SYK: variants seen among roughly 807,000 people sequenced by gnomAD.
SYK encodes the protein tyrosine-protein kinase SYK.
In SYK, 16 loss-of-function variants were observed where a neutral mutation model predicts 77.8. The ratio of observed to expected loss-of-function variants is 0.21; its 90% CI spans 0.14 to 0.31. SYK has a LOEUF of 0.31. Ranked by LOEUF, SYK falls within the 10% of genes least tolerant of loss-of-function variation. The pLI is 1.00. For missense variants in SYK, 529 were observed against 814.4 expected (o/e 0.65, Z 4.26); for synonymous variants, 312 against 308.7 (o/e 1.01, Z -0.11).
In SYK at chr9:90,888,530, G is replaced by C; in HGVS notation, c.1738G>C (p.Glu580Gln). Residue 580 changes from glutamate (E) to glutamine (Q), a missense_variant, in exon 13 of 14, where the codon GAA becomes CAA. Coordinates refer to ENST00000375754, the MANE Select transcript of SYK (RefSeq NM_003177.7). ...QKPYRGMKGS[E>Q]VTAMLEKGER... Reference sequence around the variant, plus strand: ...CATGTTGTAGGGGATGAAAGGAAGTGAAGTCACCGCTATGTTAGAGAAAGG... The same window carrying C: ...CATGTTGTAGGGGATGAAAGGAAGTCAAGTCACCGCTATGTTAGAGAAAGG... The C allele has an allele frequency of 6.2e-6, 10 of 1,610,206 alleles. No homozygotes were observed. Among genetic ancestry groups the C allele is most frequent in the Non-Finnish European group, 8.5e-6 (10 of 1,178,774 alleles).
At chr9:90,833,189 G>A (rs1168504437) in intron 1 of SYK, among the ~76,000 whole-genome samples, 2 of 152,208 alleles carry the variant, frequency 1.3e-5, no homozygotes, top group African/African-American at 4.8e-5. Context: ...TGTGTGCAAG[G>A]GATGGGAGTA....
chr9:90,885,243 A>G (rs1187787126), intron 11 of SYK, among the ~76,000 whole-genome samples: 2 of 152,246 alleles, frequency 1.3e-5, no homozygotes, highest in Admixed American at 6.5e-5. Flanking sequence ...GAAGCTAAAT[A>G]AGATATAAGA....
intron 9 of SYK, among the ~76,000 whole-genome samples, chr9:90,876,476 AT>A (rs1564114081): frequency 6.6e-6 from 1 of 152,168 alleles, no homozygotes; most frequent in East Asian, 1.9e-4. Context: ...TACACACACA[AT>A]CAAAATTGGC....
At chr9:90,892,440 A>G (rs1045574188) in intron 13 of SYK, among the ~76,000 whole-genome samples, 1 of 152,224 alleles carries the variant, frequency 6.6e-6, no homozygotes, top group Admixed American at 6.5e-5. Flanking sequence ...AGTTAGTCCT[A>G]TCCGAAACTA....
chr9:90,878,354 G>A (rs567044186), intron 10 of SYK, among the ~76,000 whole-genome samples: 6 of 152,270 alleles, frequency 3.9e-5, no homozygotes, highest in Admixed American at 2.6e-4. Context: ...GCTGTGCTAC[G>A]TTTGTACTTA....
At chr9:90,827,902 C>T (rs1037936998) in intron 1 of SYK, among the ~76,000 whole-genome samples, 2 of 152,206 alleles carry the variant, frequency 1.3e-5, no homozygotes, top group Admixed American at 6.5e-5. Flanking sequence ...AGGAGACCAT[C>T]ATAAGCTCCT....
chr9:90,840,107 C>A (rs1176181517), intron 1 of SYK, among the ~76,000 whole-genome samples: 1 of 152,162 alleles, frequency 6.6e-6, no homozygotes, highest in African/African-American at 2.4e-5. Flanking sequence ...AAGGAACATG[C>A]ACCAAGGGCG....
intron 1 of SYK, among the ~76,000 whole-genome samples, chr9:90,838,507 G>A (rs757690628): frequency 6.6e-6 from 1 of 152,162 alleles, no homozygotes; most frequent in South Asian, 2.1e-4. Flanking sequence ...CACAAAAAAG[G>A]TCTCAAAAGA....
At chr9:90,812,191 G>C (rs1412382876) in intron 1 of SYK, among the ~76,000 whole-genome samples, 1 of 152,128 alleles carries the variant, frequency 6.6e-6, no homozygotes, top group Non-Finnish European at 1.5e-5. Flanking sequence ...GCCTACTTCA[G>C]TGTGCCTGCA....
At chr9:90,839,572 G>A (rs986665283) in intron 1 of SYK, among the ~76,000 whole-genome samples, 3 of 152,100 alleles carry the variant, frequency 2.0e-5, no homozygotes, top group Admixed American at 1.3e-4. Context: ...TGCCAGCACC[G>A]ATGTAATGAT....
At chr9:90,869,059 G>A (rs909227636) in intron 7 of SYK, among the ~76,000 whole-genome samples, 18 of 152,236 alleles carry the variant, frequency 1.2e-4, no homozygotes, top group South Asian at 6.2e-4. Context: ...TGTTGATATC[G>A]TATACAGTAT....
chr9:90,807,022 A>G (rs781548034), intron 1 of SYK, among the ~76,000 whole-genome samples: 11 of 152,238 alleles, frequency 7.2e-5, no homozygotes, highest in Non-Finnish European at 1.3e-4. Flanking sequence ...AGCTTGCTCA[A>G]GTAAGTAAGC....
At chr9:90,838,075 G>A (rs1170015597) in intron 1 of SYK, among the ~76,000 whole-genome samples, 1 of 152,206 alleles carries the variant, frequency 6.6e-6, no homozygotes, top group African/African-American at 2.4e-5. Flanking sequence ...TGAGGGAGTG[G>A]CAGGAGGAGT....
At chr9:90,873,072 G>A (rs548694401) in intron 7 of SYK, among the ~76,000 whole-genome samples, 118 of 152,332 alleles carry the variant, frequency 7.7e-4, no homozygotes, top group African/African-American at 2.7e-3. Flanking sequence ...CCGTGTGAAA[G>A]AAGAAGGTCC....
chr9:90,857,556 G>A (rs888005993), intron 3 of SYK, among the ~76,000 whole-genome samples: 1 of 152,232 alleles, frequency 6.6e-6, no homozygotes, highest in African/African-American at 2.4e-5. Context: ...GCTCTTCTTT[G>A]TGTGGAATGC....
chr9:90,862,377 G>T, intron 4 of SYK, 33 bp downstream of exon 4: 1 of 1,608,082 alleles, frequency 6.2e-7, no homozygotes, highest in Non-Finnish European at 8.5e-7. Context: ...CTTGTGGGTA[G>T]AGTACAGGGC....
At chr9:90,892,029 C>T (rs1317166090) in intron 13 of SYK, among the ~76,000 whole-genome samples, 2 of 152,166 alleles carry the variant, frequency 1.3e-5, no homozygotes, top group Non-Finnish European at 2.9e-5. Flanking sequence ...ACCTAGAAAC[C>T]AAATTGATAC....
chr9:90,839,002 ACT>A (rs948971388), intron 1 of SYK, among the ~76,000 whole-genome samples: 27 of 151,836 alleles, frequency 1.8e-4, no homozygotes, highest in Admixed American at 6.6e-4. Flanking sequence ...GAAAAGTGAG[ACT>A]CTCTGGATTT....
At position 90,834,486 on chromosome 9, in the gene SYK, C is replaced by T. The variant is rs534666068; in HGVS notation, c.-41-9372C>T. 5.3e-5 allele frequency among the ~76,000 whole-genome samples: 8 copies of T among 152,338 alleles called. No homozygotes were observed. In the South Asian group the frequency reaches 1.7e-3, roughly 32 times the overall value. ...GGGTCGCCAGCGTTCCCGATTCTCA[C>T]CTCTGTGTCCCTGGGTTTCCTGCTC... On this transcript the variant is annotated intron_variant, in intron 1 of 13. Transcript: ENST00000375754.
Sources: gnomAD v4.1 joint callset for allele counts (sites outside exome capture counted in the v4.1 genomes callset) on GRCh38, gnomAD v4.1.1 for gene constraint, MANE v1.5 for transcripts, NCBI Gene and HGNC (gene_info 2026-07-23, HGNC 2026-07-21) for gene names.